The following TBX2 variants were observed in gnomAD, a reference collection of about 807,000 sequenced individuals.
The protein encoded by TBX2 is T-box transcription factor 2.
A neutral mutation model predicts 48.4 loss-of-function variants in TBX2; 19 were observed. The observed-to-expected ratio is 0.39, with a 90% CI of 0.27 to 0.58. The LOEUF is 0.58. Among genes scored for constraint, TBX2 ranks in the 20% least tolerant of loss-of-function variants. The pLI is 0.54. For synonymous variants in TBX2, 522 were observed against 459.7 expected (o/e 1.14, Z -1.73); for missense variants, 994 against 1,006.5 (o/e 0.99, Z 0.17).
At chr17:61,402,967 A>AGT in intron 2 of TBX2, 94 bp from the exon 3 acceptor site, 1 of 183,464 alleles carries the variant, frequency 5.5e-6, no homozygotes, top group Non-Finnish European at 9.1e-6. Flanking sequence ...AGAGAGAGAG[A>AGT]GAGAAAGTGG....
At position 61,403,224 on chromosome 17, in the gene TBX2, G is replaced by C; in HGVS notation, c.810+17G>C. 6.2e-7 allele frequency: 1 copy of C among 1,610,932 alleles called. No homozygotes were observed. The highest frequency in any genetic ancestry group is 8.5e-7 in the Non-Finnish European group (1 of 1,179,884). ...AATGACAAGGTGCGCGCGGCGGGCG[G>C]TGGGCTAAGCCCCTGCACTGACGCC... On this transcript the variant is annotated intron_variant, in intron 3 of 6. Transcript: ENST00000240328. The surrounding 1 kb of genome is among the most constrained non-coding windows in gnomAD (Gnocchi z 5.8).
In TBX2 at chr17:61,406,009, C is replaced by T. The variant is rs113958423; in HGVS notation, c.1686+173C>T. 1 of 614,328 alleles carries T rather than the reference C, an allele frequency of 1.6e-6. No homozygotes were observed. Among genetic ancestry groups the T allele is most frequent in the Non-Finnish European group, 2.3e-6 (1 of 425,848 alleles). The allele number at this position is 614,328 out of a possible 1,614,324, so 38.1% of individuals were successfully genotyped here. A position where few individuals can be genotyped will look rare whatever the true frequency, so the allele number is the denominator to read the frequency against. ...TTTAGGACACCTGGGTTCTGAGAGACGAGGACTGTGTTGTAAGTCCAGGGG... is the reference window on the plus strand; with the variant it reads ...TTTAGGACACCTGGGTTCTGAGAGATGAGGACTGTGTTGTAAGTCCAGGGG... On this transcript the variant is annotated intron_variant, in intron 6 of 6. Coordinates refer to ENST00000240328, the MANE Select transcript of TBX2 (RefSeq NM_005994.4). The surrounding 1 kb of genome is among the most constrained non-coding windows in gnomAD (Gnocchi z 5.7).
chr17:61,401,600 G>A, intron 1 of TBX2, 84 bp from the exon 2 acceptor site: 22 of 1,510,098 alleles, frequency 1.5e-5, no homozygotes, highest in Non-Finnish European at 1.9e-5. Flanking sequence ...TGCGCAACGA[G>A]GAGGGATAAA....
rs760370525 is a variant in TBX2 at position 61,405,378 on chromosome 17, G to A, written c.1228G>A (p.Glu410Lys). 50 of 1,544,006 alleles carry A rather than the reference G, an allele frequency of 3.2e-5. No individual in the cohort carries two copies. The highest frequency in any genetic ancestry group is 4.1e-5 in the African/African-American group (3 of 73,386). Residue 410 changes from glutamate (E) to lysine (K), a missense_variant, in exon 6 of 7, where the codon GAG becomes AAG. Glu to Lys is a moderately conservative substitution (Grantham distance 56, BLOSUM62 1). Transcript: ENST00000240328. ...RSPERGKEPAESGGDGPFGLR... is the reference protein window; with the variant it reads ...RSPERGKEPAKSGGDGPFGLR... ...TCCCGAGAGGGGCAAGGAGCCGGCC[G>A]AGAGCGGCGGGGACGGCCCGTTCGG...
In TBX2 at chr17:61,402,948, GAGAGAGAGAGAGAGAGAGAGAGA is replaced by G. The variant is rs1458326405; in HGVS notation, c.664-111_664-89del. 1.8e-3 allele frequency: 1,825 copies of G among 1,022,864 alleles called. 76 individuals carry two copies. The highest frequency in any genetic ancestry group is 2.6e-3 in the South Asian group (135 of 52,408). 63.4% of individuals were successfully genotyped at this position (1,022,864 alleles called of 1,614,324 possible). ...GAACCGATAGAGAGAGAGAGAGAGAGAGAGAGAGAGAGAGAGAGAGAGAAAGTGGAGAGGAAGAGGTCAGGTAC... is the reference window on the plus strand; with the variant it reads ...GAACCGATAGAGAGAGAGAGAGAGAGAAGTGGAGAGGAAGAGGTCAGGTAC... On this transcript the variant is annotated intron_variant, in intron 2 of 6. Coordinates refer to ENST00000240328, the MANE Select transcript of TBX2 (RefSeq NM_005994.4).
rs1191426354 is a variant in TBX2, at chr17:61,405,856, G to A, written c.1686+20G>A. ...TCTCAGGTAAGGCCTGTGACCCCGC[G>A]GCAGCGCCAGCGAGGGAGAAGGCCC... On this transcript the variant is annotated intron_variant, in intron 6 of 6. Coordinates refer to ENST00000240328, the MANE Select transcript of TBX2 (RefSeq NM_005994.4). 7 of 1,291,010 alleles carry A rather than the reference G, an allele frequency of 5.4e-6. No individual in the cohort carries two copies. Among genetic ancestry groups the A allele is most frequent in the East Asian group, 3.0e-5 (1 of 33,764 alleles). The allele number at this position is 1,291,010 out of a possible 1,614,324, so 80.0% of individuals were successfully genotyped here. A position where few individuals can be genotyped will look rare whatever the true frequency, so the allele number is the denominator to read the frequency against.
rs1344404195 is a variant in TBX2, at chr17:61,401,882, G to A, written c.594G>A (p.Gln198=). 1 of 1,613,034 alleles carries A rather than the reference G, an allele frequency of 6.2e-7. No individual in the cohort carries two copies. Among genetic ancestry groups the A allele is most frequent in the East Asian group, 2.2e-5 (1 of 44,884 alleles). Residue 198 remains glutamine, a synonymous_variant, in exon 2 of 7, where the codon CAG becomes CAA. Coordinates refer to ENST00000240328, the MANE Select transcript of TBX2 (RefSeq NM_005994.4). ...IHPDSPATGE[Q]WMAKPVAFHK... ...CAGACAGCCCAGCCACGGGGGAGCA[G>A]TGGATGGCTAAGCCTGTGGCCTTCC...
rs1329530690 is a variant in TBX2 at position 61,400,886 on chromosome 17, T to A, written c.395+315T>A. Among the ~76,000 whole-genome samples, 6 of 152,160 alleles carry A rather than the reference T, an allele frequency of 3.9e-5. No individual in the cohort carries two copies. The highest frequency in any genetic ancestry group is 2.9e-5 in the Non-Finnish European group (2 of 68,014). On this transcript the variant is annotated intron_variant, in intron 1 of 6. Coordinates refer to ENST00000240328, the MANE Select transcript of TBX2 (RefSeq NM_005994.4). This position sits in a 1 kb window ranked among gnomAD's most constrained non-coding sequence, Gnocchi z 9.2. ...CCGCGGCTTGGCCCTGGCGGTCTCCTCCGCCCCGCGCTCTCGCTCTTCTGC... is the reference window on the plus strand; with the variant it reads ...CCGCGGCTTGGCCCTGGCGGTCTCCACCGCCCCGCGCTCTCGCTCTTCTGC...
chr17:61,401,730 A>C lies in TBX2; in HGVS notation c.442A>C (p.Lys148Gln), dbSNP rs148128428. 38 of 1,613,014 alleles carry C rather than the reference A, an allele frequency of 2.4e-5. No homozygotes were observed. The African/African-American group carries it at 4.5e-4, about 19-fold the overall frequency. Residue 148 changes from lysine to glutamine, a missense_variant, in exon 2 of 7, where the codon AAG becomes CAG. This residue lies in a region of TBX2 where 153 missense variants were observed against 166.2 expected (regional missense o/e 0.92). Transcript: ENST00000240328. ...FKVRVSGLDK[K>Q]AKYILLMDIV... ...GGTGCGAGTCAGCGGCCTGGACAAG[A>C]AGGCCAAGTATATCCTGCTGATGGA...
chr17:61,405,173 C>A, intron 5 of TBX2, 29 bp from the exon 6 acceptor site: 1 of 1,474,204 alleles, frequency 6.8e-7, no homozygotes, highest in East Asian at 2.5e-5. Context: ...CGCCCAGGCC[C>A]CTGTAATCCG....
rs1344497469 is a variant in TBX2 at position 61,400,166 on chromosome 17, C to T, written c.-11C>T. 2 of 1,055,194 alleles carry T rather than the reference C, an allele frequency of 1.9e-6. No individual in the cohort carries two copies. The highest frequency in any genetic ancestry group is 2.3e-6 in the Non-Finnish European group (2 of 869,952). The allele number at this position is 1,055,194 out of a possible 1,614,324, so 65.4% of individuals were successfully genotyped here. A position where few individuals can be genotyped will look rare whatever the true frequency, so the allele number is the denominator to read the frequency against. ...GGCCCCGGCCCCCGGGCGCCTGGGCCGGATGTCCCGATGAGAGAGCCGGCG... is the reference window on the plus strand; with the variant it reads ...GGCCCCGGCCCCCGGGCGCCTGGGCTGGATGTCCCGATGAGAGAGCCGGCG... On this transcript the variant is annotated 5_prime_UTR_variant, in exon 1 of 7. Transcript: ENST00000240328. The surrounding 1 kb of genome is among the most constrained non-coding windows in gnomAD (Gnocchi z 9.2).
In TBX2 at chr17:61,404,728, C is replaced by T; in HGVS notation, c.1010C>T (p.Pro337Leu). The change falls in exon 5 of 7, where the codon CCG (proline) becomes CTG (leucine). Residue 337 changes from proline (P) to leucine (L), a missense_variant. Transcript: ENST00000240328. Reference sequence around the variant, plus strand: ...CCCGCGCGGGAACCACCCACCTCCCCGGGCGCAGCGCCCAGTCCGCTGCGC... The same window carrying T: ...CCCGCGCGGGAACCACCCACCTCCCTGGGCGCAGCGCCCAGTCCGCTGCGC... ...PPPAREPPTS[P>L]GAAPSPLRLH... The T allele has an allele frequency of 6.4e-7, 1 of 1,553,670 alleles. No individual in the cohort carries two copies. Among genetic ancestry groups the T allele is most frequent in the Non-Finnish European group, 8.7e-7 (1 of 1,150,754 alleles).
chr17:61,400,222 T>G lies in TBX2; in HGVS notation c.46T>G (p.Phe16Val). The G allele has an allele frequency of 8.3e-7, 1 of 1,210,782 alleles. No homozygotes were observed. The highest frequency in any genetic ancestry group is 1.1e-6 in the Non-Finnish European group (1 of 949,078). The allele number at this position is 1,210,782 out of a possible 1,614,324, so 75.0% of individuals were successfully genotyped here. A position where few individuals can be genotyped will look rare whatever the true frequency, so the allele number is the denominator to read the frequency against. ...GGCCAGCGCCATGGCTTACCACCCG[T>G]TCCACGCGCCACGGCCCGCCGACTT... ...LAASAMAYHP[F>V]HAPRPADFPM... The change falls in exon 1 of 7, where the codon TTC (phenylalanine) becomes GTC (valine). Residue 16 changes from phenylalanine (F) to valine (V), a missense_variant. Transcript: ENST00000240328. This position sits in a 1 kb window ranked among gnomAD's most constrained non-coding sequence, Gnocchi z 9.2.
In TBX2 at chr17:61,403,992, C is replaced by T. The variant is rs990215136; in HGVS notation, c.811-429C>T. On this transcript the variant is annotated intron_variant, in intron 3 of 6. Transcript: ENST00000240328. This position sits in a 1 kb window ranked among gnomAD's most constrained non-coding sequence, Gnocchi z 5.8. ...TCCGTAGGCGTTTGTTATGTCTGTG[C>T]ACACTTGCGTGTGTGCGAGCCCGTG... Among the ~76,000 whole-genome samples the T allele has an allele frequency of 6.6e-6, 1 of 152,188 alleles. No individual in the cohort carries two copies. Among genetic ancestry groups the T allele is most frequent in the African/African-American group, 2.4e-5 (1 of 41,446 alleles).
At position 61,404,622 on chromosome 17, in the gene TBX2, C is replaced by A. The variant is rs1292808774; in HGVS notation, c.904C>A (p.Pro302Thr). ...RREKRKQLTL[P>T]SLRLYEEHCK... Reference sequence around the variant, plus strand: ...CATCCCCAGGAAGCAGCTGACGCTGCCGTCTCTACGCTTGTACGAGGAGCA... The same window carrying A: ...CATCCCCAGGAAGCAGCTGACGCTGACGTCTCTACGCTTGTACGAGGAGCA... The change falls in exon 5 of 7, where the codon CCG becomes ACG. Residue 302 changes from proline to threonine, a missense_variant. By Grantham distance (38) the Pro-to-Thr change is conservative (BLOSUM62 -1). Coordinates refer to ENST00000240328, the MANE Select transcript of TBX2 (RefSeq NM_005994.4). 1 of 1,581,672 alleles carries A rather than the reference C, an allele frequency of 6.3e-7. No homozygotes were observed. Among genetic ancestry groups the A allele is most frequent in the Admixed American group, 1.8e-5 (1 of 57,026 alleles).
Position 61,400,746 on chromosome 17 carries a change from A to G in TBX2, c.395+175A>G, listed in dbSNP as rs983772827. 2.0e-5 allele frequency among the ~76,000 whole-genome samples: 3 copies of G among 152,066 alleles called. No homozygotes were observed. The highest frequency in any genetic ancestry group is 6.5e-5 in the Admixed American group (1 of 15,274). ...ACCAAGTTGACTTTTCTCGTTTGGC[A>G]CCGGAGCGATTTTTTTTTAAAACAA... On this transcript the variant is annotated intron_variant, in intron 1 of 6. Coordinates refer to ENST00000240328, the MANE Select transcript of TBX2 (RefSeq NM_005994.4). This position sits in a 1 kb window ranked among gnomAD's most constrained non-coding sequence, Gnocchi z 9.2.
Position 61,404,710 on chromosome 17 carries a change from G to C in TBX2, c.992G>C (p.Arg331Pro). ...DASSCDPPPA[R>P]EPPTSPGAAP... Reference sequence around the variant, plus strand: ...TCGTCGTGCGACCCTCCCCCCGCGCGGGAACCACCCACCTCCCCGGGCGCA... The same window carrying C: ...TCGTCGTGCGACCCTCCCCCCGCGCCGGAACCACCCACCTCCCCGGGCGCA... The change falls in exon 5 of 7, where the codon CGG (arginine) becomes CCG (proline). Residue 331 changes from arginine to proline, a missense_variant. Around this residue, in one of 5 missense-constraint regions of TBX2, gnomAD observed 639 missense variants for 613.2 expected, o/e 1.04. Transcript: ENST00000240328. 1 of 1,564,680 alleles carries C rather than the reference G, an allele frequency of 6.4e-7. No homozygotes were observed.
Position 61,408,375 on chromosome 17 carries a change from C to T in TBX2, c.2008C>T (p.Pro670Ser). 6.4e-6 allele frequency: 10 copies of T among 1,572,012 alleles called. No homozygotes were observed. The highest frequency in any genetic ancestry group is 8.6e-6 in the Non-Finnish European group (10 of 1,159,774). Residue 670 changes from proline to serine, a missense_variant, in exon 7 of 7, where the codon CCA becomes TCA. Around this residue, in one of 5 missense-constraint regions of TBX2, gnomAD observed 639 missense variants for 613.2 expected, o/e 1.04. Coordinates refer to ENST00000240328, the MANE Select transcript of TBX2 (RefSeq NM_005994.4). ...GCTGGCTCTCCGCAAAGTAGGGGCC[C>T]CATCCCGCGGTGCCCTGTCGCCCAG... The part of the protein sequence containing the change: ...PELALRKVGA[P>S]SRGALSPSGS...
intron 5 of TBX2, 24 bp from the exon 6 acceptor site, chr17:61,405,178 A>T: frequency 6.8e-7 from 1 of 1,475,824 alleles, no homozygotes; most frequent in African/African-American, 1.4e-5. Flanking sequence ...AGGCCCCTGT[A>T]ATCCGCGCGC....
Sources: allele counts gnomAD v4.1 joint callset (sites outside exome capture counted in the v4.1 genomes callset), GRCh38; gene constraint gnomAD v4.1.1; regional missense constraint gnomAD v4.1.1; non-coding constraint Gnocchi (gnomAD v3.1); transcripts MANE v1.5; gene names NCBI Gene and HGNC (gene_info 2026-07-23, HGNC 2026-07-21).